Variants in ANGPTL7 observed in about 807,000 individuals in gnomAD.
The protein encoded by ANGPTL7 is angiopoietin like 7.
ANGPTL7 carries 37 observed loss-of-function variants against 38.8 expected under a neutral mutation model. That is an observed-to-expected ratio of 0.95 (90% confidence interval 0.73 to 1.25). The LOEUF (loss-of-function observed/expected upper bound fraction) is 1.25. Among genes scored for constraint, ANGPTL7 ranks in the 50% most tolerant of loss-of-function variants. ANGPTL7 has a pLI of 0.00. For synonymous variants in ANGPTL7, 166 were observed against 163.2 expected (o/e 1.02, Z -0.13); for missense variants, 427 against 438.6 (o/e 0.97, Z 0.24).
intron 3 of ANGPTL7, 69 bp downstream of exon 3, chr1:11,193,843 G>A: frequency 3.4e-6 from 5 of 1,476,580 alleles, no homozygotes; most frequent in Admixed American, 1.9e-5. Context: ...CAACTCCGGG[G>A]GTGCCATTCC....
chr1:11,192,460 AGAAAG>A, intron 2 of ANGPTL7, 90 bp downstream of exon 2: 2 of 1,191,522 alleles, frequency 1.7e-6, no homozygotes, highest in Admixed American at 1.9e-5. Context: ...CACAGTTTAA[AGAAAG>A]GAAAATTCGG....
chr1:11,195,124 A>C lies in ANGPTL7; in HGVS notation c.*101A>C, dbSNP rs1227871182. ...GAGAGTGTTAGAAAGGGTAGGACTG[A>C]GAAACAGCCTATAATCTCCAAAGAA... is the stretch of plus-strand genomic sequence containing the variant. On this transcript the variant is annotated 3_prime_UTR_variant, in exon 5 of 5. Coordinates refer to ENST00000376819, the MANE Select transcript of ANGPTL7 (RefSeq NM_021146.4). 5.4e-5 allele frequency: 66 copies of C among 1,223,902 alleles called. No homozygotes were observed. Among genetic ancestry groups the C allele is most frequent in the Non-Finnish European group, 7.4e-5 (65 of 883,242 alleles). 75.8% of individuals were successfully genotyped at this position (1,223,902 alleles called of 1,614,324 possible).
In ANGPTL7 at chr1:11,195,947, C is replaced by T. The variant is rs1201611691; in HGVS notation, c.*924C>T. 1 of 152,190 alleles carries T rather than the reference C, an allele frequency of 6.6e-6. No individual in the cohort carries two copies. Among genetic ancestry groups the T allele is most frequent in the Admixed American group, 6.5e-5 (1 of 15,284 alleles). The allele number at this position is 152,190 out of a possible 1,614,324, so 9.4% of individuals were successfully genotyped here. On this transcript the variant is annotated 3_prime_UTR_variant, in exon 5 of 5. Transcript: ENST00000376819. Reference sequence around the variant, plus strand: ...GTTTTGTTTTAAACATTCAACGTTTCTTTTCCTTCTACAATAAACACTTTC... The same window carrying T: ...GTTTTGTTTTAAACATTCAACGTTTTTTTTCCTTCTACAATAAACACTTTC...
intron 1 of ANGPTL7, among the ~76,000 whole-genome samples, chr1:11,191,625 G>A (rs1010754659): frequency 2.6e-5 from 4 of 152,098 alleles, no homozygotes; most frequent in Non-Finnish European, 5.9e-5. Flanking sequence ...CAGCTCCATG[G>A]CCCTAGAGTA....
At position 11,195,331 on chromosome 1, in the gene ANGPTL7, G is replaced by T; in HGVS notation, c.*308G>T. On this transcript the variant is annotated 3_prime_UTR_variant, in exon 5 of 5. Coordinates refer to ENST00000376819, the MANE Select transcript of ANGPTL7 (RefSeq NM_021146.4). Reference sequence around the variant, plus strand: ...CTTGTCTTTTCCACATGATTTGTCTGTGAAAGAAAATAATTTTGAGATCGT... The same window carrying T: ...CTTGTCTTTTCCACATGATTTGTCTTTGAAAGAAAATAATTTTGAGATCGT... The T allele has an allele frequency of 3.7e-6, 1 of 270,488 alleles. No homozygotes were observed. Among genetic ancestry groups the T allele is most frequent in the Non-Finnish European group, 7.0e-6 (1 of 143,634 alleles). 16.8% of individuals were successfully genotyped at this position (270,488 alleles called of 1,614,324 possible). A position where few individuals can be genotyped will look rare whatever the true frequency, so the allele number is the denominator to read the frequency against.
chr1:11,194,784 T>A (rs1436119448), intron 4 of ANGPTL7, 70 bp from the exon 5 acceptor site: 5 of 1,600,666 alleles, frequency 3.1e-6, no homozygotes, highest in Non-Finnish European at 4.3e-6. Context: ...TGACCCTGGC[T>A]CTAACTCCTT....
intron 2 of ANGPTL7, among the ~76,000 whole-genome samples, chr1:11,193,159 A>T (rs1645616817): frequency 1.3e-5 from 2 of 151,972 alleles, no homozygotes; most frequent in Admixed American, 6.6e-5. Context: ...TCTACTAAAA[A>T]TACAAAAATT....
rs774149875 is a variant in ANGPTL7 at position 11,193,623 on chromosome 1, T to A, written c.521T>A (p.Ile174Asn). ...ACTTCAGGCGGAGGCTGGACCATCATCCAGAGACGAAAAAGTGGCCTTGTC... is the reference window on the plus strand; with the variant it reads ...ACTTCAGGCGGAGGCTGGACCATCAACCAGAGACGAAAAAGTGGCCTTGTC... ...METSGGGWTI[I>N]QRRKSGLVSF... Residue 174 changes from isoleucine to asparagine, a missense_variant, in exon 3 of 5, where the codon ATC becomes AAC. Ile to Asn is a moderately radical substitution (Grantham distance 149). Coordinates refer to ENST00000376819, the MANE Select transcript of ANGPTL7 (RefSeq NM_021146.4). The A allele has an allele frequency of 1.1e-5, 18 of 1,611,916 alleles. No individual in the cohort carries two copies. Among genetic ancestry groups the A allele is most frequent in the Non-Finnish European group, 1.5e-5 (18 of 1,178,892 alleles).
Position 11,194,970 on chromosome 1 carries a change from T to G in ANGPTL7, c.988T>G (p.Tyr330Asp), listed in dbSNP as rs1447780551. 4 of 1,614,080 alleles carry G rather than the reference T, an allele frequency of 2.5e-6. No individual in the cohort carries two copies. Among genetic ancestry groups the G allele is most frequent in the Non-Finnish European group, 3.4e-6 (4 of 1,180,016 alleles). ...ITWYGWHGSTYSLKRVEMKIR... is the reference protein window; with the variant it reads ...ITWYGWHGSTDSLKRVEMKIR... The stretch of plus-strand genomic sequence containing the variant: ...CTGGTATGGCTGGCATGGATCTACC[T>G]ACTCCCTCAAACGGGTGGAGATGAA... The change falls in exon 5 of 5, where the codon TAC becomes GAC. Residue 330 changes from tyrosine (Y) to aspartate (D), a missense_variant. Transcript: ENST00000376819.
At chr1:11,191,273 T>C (rs1289678106) in intron 1 of ANGPTL7, among the ~76,000 whole-genome samples, 2 of 152,150 alleles carry the variant, frequency 1.3e-5, no homozygotes, top group African/African-American at 4.8e-5. Flanking sequence ...CCTTATATTC[T>C]ATAAGTAGGT....
rs1454800968 is a variant in ANGPTL7 at position 11,191,192 on chromosome 1, C to T, written c.377-1078C>T. On this transcript the variant is annotated intron_variant, in intron 1 of 4. Transcript: ENST00000376819. ...TTGGGGTCAAGTGCAGCTCTCCCAC[C>T]AGGTCTCTTGCTCTTCTTGCCCAGG... Among the ~76,000 whole-genome samples the T allele has an allele frequency of 3.3e-5, 5 of 152,286 alleles. No individual in the cohort carries two copies. In the East Asian group the frequency reaches 9.6e-4, roughly 29 times the overall value.
chr1:11,190,474 G>C (rs1645483740), intron 1 of ANGPTL7, among the ~76,000 whole-genome samples: 1 of 152,158 alleles, frequency 6.6e-6, no homozygotes, highest in Non-Finnish European at 1.5e-5. Flanking sequence ...TAAGTGTAGA[G>C]ACACATAACC....
rs774794343 is a variant in ANGPTL7, at chr1:11,195,014, C to T, written c.1032C>T (p.Phe344=). ...RVEMKIRPED[F]KP is the part of the protein sequence containing the mutation. Reference sequence around the variant, plus strand: ...AGATGAAAATCCGCCCAGAAGACTTCAAGCCTTAAAAGGAGGCTGCCGTGG... The same window carrying T: ...AGATGAAAATCCGCCCAGAAGACTTTAAGCCTTAAAAGGAGGCTGCCGTGG... The change falls in exon 5 of 5, where the codon TTC becomes TTT. Residue 344 remains phenylalanine (F), a synonymous_variant. Transcript: ENST00000376819. 3.1e-6 allele frequency: 5 copies of T among 1,613,584 alleles called. No individual in the cohort carries two copies. In the Admixed American group the frequency reaches 8.3e-5, roughly 27 times the overall value.
intron 3 of ANGPTL7, among the ~76,000 whole-genome samples, chr1:11,194,231 GAA>G (rs1645683203): frequency 6.6e-6 from 1 of 152,214 alleles, no homozygotes; most frequent in South Asian, 2.1e-4. Flanking sequence ...GAGGAATATA[GAA>G]AGAGAGACTA....
chr1:11,191,076 T>C (rs1456688414), intron 1 of ANGPTL7, among the ~76,000 whole-genome samples: 1 of 152,162 alleles, frequency 6.6e-6, no homozygotes, highest in Non-Finnish European at 1.5e-5. Flanking sequence ...AAACCAGACA[T>C]GCGGAAGACC....
At chr1:11,194,388 G>A in intron 3 of ANGPTL7, 73 bp from the exon 4 acceptor site, 1 of 1,419,710 alleles carries the variant, frequency 7.0e-7, no homozygotes, top group Non-Finnish European at 9.9e-7. Flanking sequence ...GGACTGTCAG[G>A]AGAGAAGGGG....
Position 11,189,645 on chromosome 1 carries a change from C to G in ANGPTL7, c.66C>G (p.His22Gln). The change falls in exon 1 of 5, where the codon CAC becomes CAG. Residue 22 changes from histidine (H) to glutamine (Q), a missense_variant. Coordinates refer to ENST00000376819, the MANE Select transcript of ANGPTL7 (RefSeq NM_021146.4). ...LCIFIVAFVSHPAWLQKLSKH... is the reference protein window; with the variant it reads ...LCIFIVAFVSQPAWLQKLSKH... ...TTTTCATCGTGGCCTTTGTCAGCCACCCAGCGTGGCTGCAGAAGCTCTCTA... is the reference window on the plus strand; with the variant it reads ...TTTTCATCGTGGCCTTTGTCAGCCAGCCAGCGTGGCTGCAGAAGCTCTCTA... 1 of 1,614,144 alleles carries G rather than the reference C, an allele frequency of 6.2e-7. No homozygotes were observed. Among genetic ancestry groups the G allele is most frequent in the Non-Finnish European group, 8.5e-7 (1 of 1,180,018 alleles).
At position 11,192,313 on chromosome 1, in the gene ANGPTL7, C is replaced by T; in HGVS notation, c.420C>T (p.Arg140=). Residue 140 remains arginine, a synonymous_variant, in exon 2 of 5, where the codon CGC becomes CGT. Transcript: ENST00000376819. The part of the protein sequence containing the change: ...DCSSLYQKNY[R]ISGVYKLPPD... ...CTTCCCTCTACCAGAAGAACTACCG[C>T]ATCTCTGGAGTGTATAAGCTTCCTC... is the stretch of plus-strand genomic sequence containing the variant. 1 of 1,614,084 alleles carries T rather than the reference C, an allele frequency of 6.2e-7. No homozygotes were observed. The highest frequency in any genetic ancestry group is 1.3e-5 in the African/African-American group (1 of 75,052).
At position 11,189,712 on chromosome 1, in the gene ANGPTL7, T is replaced by C. The variant is rs1645450650; in HGVS notation, c.133T>C (p.Cys45Arg). Reference sequence around the variant, plus strand: ...ACAGCCACAGCTCAAAGCGGCCAACTGCTGTGAGGAGGTGAAGGAGCTCAA... The same window carrying C: ...ACAGCCACAGCTCAAAGCGGCCAACCGCTGTGAGGAGGTGAAGGAGCTCAA... ...PAQPQLKAAN[C>R]CEEVKELKAQ... The change falls in exon 1 of 5, where the codon TGC (cysteine) becomes CGC (arginine). Residue 45 changes from cysteine to arginine, a missense_variant. Cys to Arg is a radical substitution (Grantham distance 180, BLOSUM62 -3). Transcript: ENST00000376819. 1.2e-6 allele frequency: 2 copies of C among 1,614,130 alleles called. No homozygotes were observed. The highest frequency in any genetic ancestry group is 2.2e-5 in the East Asian group (1 of 44,868).
Sources: allele counts gnomAD v4.1 joint callset (sites outside exome capture counted in the v4.1 genomes callset), GRCh38; gene constraint gnomAD v4.1.1; transcripts MANE v1.5; gene names NCBI Gene and HGNC (gene_info 2026-07-23, HGNC 2026-07-21).